The following ARHGAP28 variants were observed in gnomAD, a reference collection of about 807,000 sequenced individuals.
ARHGAP28 encodes the protein Rho GTPase activating protein 28.
Under a neutral mutation model 90.7 loss-of-function variants are expected in ARHGAP28, and 56 were observed. The observed-to-expected ratio is 0.62, with a 90% confidence interval of 0.50 to 0.77. ARHGAP28 has a LOEUF of 0.77. Ranked by LOEUF, ARHGAP28 falls within the 30% of genes least tolerant of loss-of-function variation. ARHGAP28 has a pLI of 0.00. For missense variants in ARHGAP28, 869 were observed against 900.9 expected, an observed-to-expected ratio of 0.96 and a Z score of 0.45; for synonymous variants, 308 against 323.3, an observed-to-expected ratio of 0.95 and a Z score of 0.51.
chr18:6,806,342 A>G (rs986334112), intron 1 of ARHGAP28, among the ~76,000 whole-genome samples: 15 of 152,112 alleles, frequency 9.9e-5, no homozygotes, highest in African/African-American at 3.6e-4. Flanking sequence ...CTTGAAGTAA[A>G]TTGTCTGAGG....
In ARHGAP28 at chr18:6,870,825, A is replaced by C. The variant is rs922444645; in HGVS notation, c.954+93A>C. 96 of 1,331,572 alleles carry C rather than the reference A, an allele frequency of 7.2e-5. No individual in the cohort carries two copies. The East Asian group carries it at 1.6e-3, about 23-fold the overall frequency. 82.5% of individuals were successfully genotyped at this position (1,331,572 alleles called of 1,614,324 possible). A position where few individuals can be genotyped will look rare whatever the true frequency, so the allele number is the denominator to read the frequency against. ...TTTTTCTTTTTTTTTTTTGAGACGGAGTCTCGCTCTATTGCCCCAGGCTGG... is the reference window on the plus strand; with the variant it reads ...TTTTTCTTTTTTTTTTTTGAGACGGCGTCTCGCTCTATTGCCCCAGGCTGG... On this transcript the variant is annotated intron_variant, in intron 7 of 17. Coordinates refer to ENST00000383472, the MANE Select transcript of ARHGAP28 (RefSeq NM_001366230.1).
At chr18:6,806,507 A>G (rs896342473) in intron 1 of ARHGAP28, among the ~76,000 whole-genome samples, 2 of 152,140 alleles carry the variant, frequency 1.3e-5, no homozygotes, top group Non-Finnish European at 2.9e-5. Context: ...ATATAGTCAA[A>G]TATGACTATA....
At chr18:6,811,335 A>G (rs1037000847) in intron 1 of ARHGAP28, among the ~76,000 whole-genome samples, 1 of 152,318 alleles carries the variant, frequency 6.6e-6, no homozygotes, top group East Asian at 1.9e-4. Context: ...TAGACTGGAG[A>G]GAAGAAAAGG....
intron 3 of ARHGAP28, among the ~76,000 whole-genome samples, chr18:6,840,614 T>C (rs1431905283): frequency 6.6e-6 from 1 of 152,040 alleles, no homozygotes; most frequent in African/African-American, 2.4e-5. Context: ...ACAGGGTGCA[T>C]TTGTGGTGAG....
intron 1 of ARHGAP28, among the ~76,000 whole-genome samples, chr18:6,747,980 T>A (rs972005907): frequency 6.6e-6 from 1 of 152,334 alleles, no homozygotes; most frequent in Admixed American, 6.5e-5. Context: ...TGGCTTGCCT[T>A]AGGCATTTTA....
At position 6,890,539 on chromosome 18, in the gene ARHGAP28, G is replaced by A. The variant is rs74414891; in HGVS notation, c.1844G>A (p.Arg615Gln). 1.1e-4 allele frequency: 180 copies of A among 1,604,154 alleles called. No individual in the cohort carries two copies. The African/African-American group carries it at 1.6e-3, about 15-fold the overall frequency. Reference protein sequence around the residue: ...RKLLRRKTLERETASPKTSKV... With the variant: ...RKLLRRKTLEQETASPKTSKV... ...CTGCTCAGGAGGAAGACCCTCGAGC[G>A]GGAGGTAAGACAGCAAATGAGGCAT... Residue 615 changes from arginine (R) to glutamine (Q), a missense_variant, in exon 14 of 18, where the codon CGG becomes CAG. Transcript: ENST00000383472.
rs1396144186 is a variant in ARHGAP28, at chr18:6,797,664, CT to C, written c.123-27083del. On this transcript the variant is annotated intron_variant, in intron 1 of 17. Transcript: ENST00000383472. ...ACTTTAGATGATGTTTTTAGAAACGCTTTTTTTTTTTTTTTAAGTCGCAGTC... is the reference window on the plus strand; with the variant it reads ...ACTTTAGATGATGTTTTTAGAAACGCTTTTTTTTTTTTTTAAGTCGCAGTC... Among the ~76,000 whole-genome samples, 1,412 of 141,266 alleles carry C rather than the reference CT, an allele frequency of 1.0e-2. 5 individuals carry two copies. Among genetic ancestry groups the C allele is most frequent in the Middle Eastern group, 0.026 (7 of 272 alleles). 92.7% of individuals were successfully genotyped at this position (141,266 alleles called of 152,430 possible).
intron 12 of ARHGAP28, 74 bp downstream of exon 12, chr18:6,887,313 A>G: frequency 7.0e-7 from 1 of 1,432,848 alleles, no homozygotes. Flanking sequence ...TAGGAAAATG[A>G]AAGTGGAGAT....
intron 5 of ARHGAP28, among the ~76,000 whole-genome samples, chr18:6,864,749 A>T (rs1047082504): frequency 6.6e-6 from 1 of 152,140 alleles, no homozygotes; most frequent in African/African-American, 2.4e-5. Flanking sequence ...CAATGGCATG[A>T]TCATGGCTCA....
intron 1 of ARHGAP28, among the ~76,000 whole-genome samples, chr18:6,748,041 G>A (rs532227967): frequency 6.6e-6 from 1 of 152,304 alleles, no homozygotes; most frequent in East Asian, 1.9e-4. Context: ...TATTGTGGAG[G>A]CCATCTCAAA....
chr18:6,810,885 T>C (rs1012186344), intron 1 of ARHGAP28, among the ~76,000 whole-genome samples: 1 of 152,058 alleles, frequency 6.6e-6, no homozygotes, highest in Admixed American at 6.6e-5. Flanking sequence ...TTTCTCAAAG[T>C]CTGTCTAACA....
At chr18:6,778,176 G>T (rs1021209625) in intron 1 of ARHGAP28, among the ~76,000 whole-genome samples, 1 of 152,178 alleles carries the variant, frequency 6.6e-6, no homozygotes, top group African/African-American at 2.4e-5. Flanking sequence ...TTGATTAGCT[G>T]TATCAACCTT....
At chr18:6,827,560 T>C in intron 2 of ARHGAP28, among the ~76,000 whole-genome samples, 1 of 125,868 alleles carries the variant, frequency 7.9e-6, no homozygotes, top group African/African-American at 3.1e-5. Flanking sequence ...CCCACCTCCC[T>C]CCCGGACGGG....
At chr18:6,872,204 T>G (rs763086922) in intron 7 of ARHGAP28, among the ~76,000 whole-genome samples, 1 of 152,202 alleles carries the variant, frequency 6.6e-6, no homozygotes, top group Non-Finnish European at 1.5e-5. Flanking sequence ...TTCTGAGGTT[T>G]GGCTCTTCCC....
At chr18:6,822,460 GAA>G (rs2056633098) in intron 1 of ARHGAP28, among the ~76,000 whole-genome samples, 1 of 152,010 alleles carries the variant, frequency 6.6e-6, no homozygotes, top group Admixed American at 6.6e-5. Context: ...ATTGCAAAAG[GAA>G]AAAGTCTTCA....
At chr18:6,736,756 A>AAC (rs2055931876) in intron 1 of ARHGAP28, among the ~76,000 whole-genome samples, 1 of 137,712 alleles carries the variant, frequency 7.3e-6, no homozygotes, top group Non-Finnish European at 1.5e-5. Context: ...TCAAAAAAAA[A>AAC]AACAAAAAAC....
intron 16 of ARHGAP28, among the ~76,000 whole-genome samples, chr18:6,898,964 A>G (rs1240242300): frequency 6.6e-6 from 1 of 152,122 alleles, no homozygotes; most frequent in African/African-American, 2.4e-5. Context: ...GTACACCAAA[A>G]TCTCAGAAAT....
chr18:6,870,862 G>T (rs530706882), intron 7 of ARHGAP28, 130 bp downstream of exon 7: 1 of 920,322 alleles, frequency 1.1e-6, no homozygotes, highest in Non-Finnish European at 1.6e-6. Context: ...GTGCAGTGGC[G>T]CGATCTCGGC....
At chr18:6,803,306 T>C (rs2056495762) in intron 1 of ARHGAP28, among the ~76,000 whole-genome samples, 1 of 152,214 alleles carries the variant, frequency 6.6e-6, no homozygotes, top group South Asian at 2.1e-4. Flanking sequence ...TGCTGGATTT[T>C]GTCAAGTACT....
Sources: allele counts gnomAD v4.1 joint callset (sites outside exome capture counted in the v4.1 genomes callset), GRCh38; gene constraint gnomAD v4.1.1; transcripts MANE v1.5; gene names NCBI Gene and HGNC (gene_info 2026-07-23, HGNC 2026-07-21).